The following SCAI variants were observed in gnomAD, a reference collection of about 807,000 sequenced individuals.
SCAI encodes the protein protein SCAI.
A neutral mutation model predicts 92.2 loss-of-function variants in SCAI; 24 were observed. The observed-to-expected ratio is 0.26, with a 90% CI of 0.19 to 0.37. The LOEUF is 0.37. Ranked by LOEUF, SCAI falls within the 10% of genes least tolerant of loss-of-function variation. The pLI, the probability that SCAI is intolerant of heterozygous loss-of-function variation, is 1.00. For synonymous variants in SCAI, 261 were observed against 258.6 expected (o/e 1.01, Z -0.09); for missense variants, 450 against 736.2 (o/e 0.61, Z 4.50).
At chr9:125,046,546 C>T (rs149155033) in intron 3 of SCAI, among the ~76,000 whole-genome samples, 42 of 150,352 alleles carry the variant, frequency 2.8e-4, no homozygotes, top group South Asian at 1.7e-3. Flanking sequence ...ACTTTTGGGA[C>T]TCTCACGATA....
chr9:125,112,010 G>A (rs1390834832), intron 2 of SCAI, among the ~76,000 whole-genome samples: 1 of 152,164 alleles, frequency 6.6e-6, no homozygotes, highest in Non-Finnish European at 1.5e-5. Context: ...TACCAGAGAG[G>A]AAAGAATCAT....
intron 2 of SCAI, among the ~76,000 whole-genome samples, chr9:125,115,772 T>C (rs1428056345): frequency 6.6e-6 from 1 of 152,074 alleles, no homozygotes; most frequent in Non-Finnish European, 1.5e-5. Flanking sequence ...ATTCTTCCAA[T>C]AGGAGAGGGA....
At chr9:124,996,547 C>T (rs899635181) in intron 13 of SCAI, among the ~76,000 whole-genome samples, 1 of 152,160 alleles carries the variant, frequency 6.6e-6, no homozygotes, top group South Asian at 2.1e-4. Flanking sequence ...AAGCAATCTT[C>T]CCATCTCAGC....
rs1249255735 is a variant in SCAI at position 125,020,695 on chromosome 9, T to C, written c.587A>G (p.Asp196Gly). Reference sequence around the variant, plus strand: ...TACCTTTACCAGATCCTTTACAACATCCATTTTGTTGAGAAGAAGACAAAC... The same window carrying C: ...TACCTTTACCAGATCCTTTACAACACCCATTTTGTTGAGAAGAAGACAAAC... ...IVVCLLLNKM[D>G]VVKDLVKELS... Residue 196 changes from aspartate (D) to glycine (G), a missense_variant, in exon 7 of 18, where the codon GAT (aspartate) becomes GGT (glycine). Transcript: ENST00000336505. 1 of 1,491,052 alleles carries C rather than the reference T, an allele frequency of 6.7e-7. No individual in the cohort carries two copies. The highest frequency in any genetic ancestry group is 9.2e-7 in the Non-Finnish European group (1 of 1,085,386). The allele number at this position is 1,491,052 out of a possible 1,614,324, so 92.4% of individuals were successfully genotyped here.
At chr9:125,065,006 G>C (rs779450015) in intron 2 of SCAI, among the ~76,000 whole-genome samples, 5 of 152,094 alleles carry the variant, frequency 3.3e-5, no homozygotes, top group Non-Finnish European at 5.9e-5. Flanking sequence ...TATGCTTAGA[G>C]AGAAATGGCT....
At chr9:125,117,485 G>C (rs1835068287) in intron 2 of SCAI, among the ~76,000 whole-genome samples, 1 of 151,912 alleles carries the variant, frequency 6.6e-6, no homozygotes, top group Admixed American at 6.6e-5. Flanking sequence ...GGCCAACATG[G>C]TGAAACCCTA....
At chr9:124,976,262 A>G (rs531375059) in intron 14 of SCAI, 76 bp from the exon 15 acceptor site, 454 of 1,040,134 alleles carry the variant, frequency 4.4e-4, no homozygotes, top group Non-Finnish European at 5.1e-4. Flanking sequence ...TCCAAAGCAT[A>G]TTTTTAGTGT....
chr9:125,129,121 T>A (rs1387070281), intron 2 of SCAI, among the ~76,000 whole-genome samples: 1 of 151,772 alleles, frequency 6.6e-6, no homozygotes, highest in Non-Finnish European at 1.5e-5. Context: ...AATGTCTCTT[T>A]CTGGAAGTAT....
At chr9:124,970,359 A>T (rs920006201) in intron 17 of SCAI, among the ~76,000 whole-genome samples, 1 of 152,328 alleles carries the variant, frequency 6.6e-6, no homozygotes, top group Admixed American at 6.5e-5. Context: ...ATATGGATTC[A>T]TAAATATGTT....
intron 17 of SCAI, among the ~76,000 whole-genome samples, chr9:124,954,887 C>T (rs914613739): frequency 9.2e-5 from 14 of 152,114 alleles, no homozygotes; most frequent in Admixed American, 3.3e-4. Flanking sequence ...AAAAGGTGGC[C>T]GGGTGTGGTG....
Position 124,947,493 on chromosome 9 carries a change from A to G in SCAI, c.*5314T>C, listed in dbSNP as rs1481475405. ...AGCCTCTCAAAATAGAGGCTTATGA[A>G]TGAGATACAGCCACAACCTAATTAC... On this transcript the variant is annotated 3_prime_UTR_variant, in exon 18 of 18. Transcript: ENST00000336505. 1.3e-5 allele frequency: 2 copies of G among 152,208 alleles called. No homozygotes were observed. The highest frequency in any genetic ancestry group is 1.5e-5 in the Non-Finnish European group (1 of 68,036). The allele number at this position is 152,208 out of a possible 1,614,324, so 9.4% of individuals were successfully genotyped here.
intron 11 of SCAI, among the ~76,000 whole-genome samples, chr9:125,002,793 T>C (rs1419712629): frequency 4.6e-5 from 7 of 152,136 alleles, no homozygotes; most frequent in African/African-American, 4.8e-5. Flanking sequence ...CAATTCTGCA[T>C]TGTTACACCT....
chr9:124,961,200 G>C (rs966904370), intron 17 of SCAI, among the ~76,000 whole-genome samples: 2 of 151,278 alleles, frequency 1.3e-5, no homozygotes, highest in African/African-American at 4.9e-5. Flanking sequence ...GTTTGATGCT[G>C]AGGCAGGAGG....
At chr9:125,123,120 G>A (rs2131252278) in intron 2 of SCAI, among the ~76,000 whole-genome samples, 1 of 152,278 alleles carries the variant, frequency 6.6e-6, no homozygotes, top group South Asian at 2.1e-4. Flanking sequence ...CTAGCACTCT[G>A]GGAGGCCAAG....
At chr9:125,007,500 G>A (rs1832535515) in intron 9 of SCAI, among the ~76,000 whole-genome samples, 1 of 152,062 alleles carries the variant, frequency 6.6e-6, no homozygotes, top group East Asian at 1.9e-4. Context: ...ACCAGCCTTG[G>A]CAATACAGCA....
chr9:125,003,498 C>G lies in SCAI; in HGVS notation c.934G>C (p.Ala312Pro). The G allele has an allele frequency of 6.2e-7, 1 of 1,612,794 alleles. No individual in the cohort carries two copies. Among genetic ancestry groups the G allele is most frequent in the Non-Finnish European group, 8.5e-7 (1 of 1,178,908 alleles). Residue 312 changes from alanine to proline, a missense_variant, in exon 10 of 18, where the codon GCT becomes CCT. Transcript: ENST00000336505. ...ATTCCTGGTTTATTCATCTGGGAAG[C>G]TAAATTCATTGGCTCCCTTTCCAGA... ...QALEREPMNL[A>P]SQMNKPGMQE...
At chr9:125,111,280 C>T (rs1406589152) in intron 2 of SCAI, among the ~76,000 whole-genome samples, 1 of 151,940 alleles carries the variant, frequency 6.6e-6, no homozygotes, top group African/African-American at 2.4e-5. Context: ...ATCATATGAT[C>T]TTCTCAATAG....
intron 2 of SCAI, among the ~76,000 whole-genome samples, chr9:125,114,299 C>G (rs1308635270): frequency 6.6e-6 from 1 of 151,980 alleles, no homozygotes; most frequent in African/African-American, 2.4e-5. Context: ...AGGAAAAGAG[C>G]TGATGGTGTA....
intron 13 of SCAI, among the ~76,000 whole-genome samples, chr9:124,996,910 C>G (rs1832250586): frequency 6.6e-6 from 1 of 151,950 alleles, no homozygotes; most frequent in Non-Finnish European, 1.5e-5. Flanking sequence ...CATTACAGGC[C>G]TGAGCCACTG....
Sources: gnomAD v4.1 joint callset for allele counts (sites outside exome capture counted in the v4.1 genomes callset) on GRCh38, gnomAD v4.1.1 for gene constraint, MANE v1.5 for transcripts, NCBI Gene and HGNC (gene_info 2026-07-23, HGNC 2026-07-21) for gene names.